The following VPS13B variants were observed in gnomAD, a reference collection of about 807,000 sequenced individuals.
The protein encoded by VPS13B is vacuolar protein sorting 13 homolog B.
VPS13B carries 285 observed loss-of-function variants against 426.4 expected under a neutral mutation model. The observed-to-expected ratio is 0.67, with a 90% CI of 0.61 to 0.74. The LOEUF (loss-of-function observed/expected upper bound fraction) is 0.74. VPS13B is among the 30% of genes least tolerant of loss of function. The probability of loss-of-function intolerance (pLI) is 0.00; values close to 1 mark genes in which losing one functional copy is unlikely to be tolerated. For missense variants in VPS13B, 4,537 were observed against 4,782.6 expected, an observed-to-expected ratio of 0.95 and a Z score of 1.51; for synonymous variants, 1,676 against 1,676.4, an observed-to-expected ratio of 1.00 and a Z score of 0.01.
At position 99,121,276 on chromosome 8, in the gene VPS13B, T is replaced by G; in HGVS notation, c.1037T>G (p.Val346Gly). ...GATGAGGAGCAGCCACAGGGATGGG[T>G]GTCATGGGCCTGGTCCTTTGTGCCT... ...QQDEEQPQGW[V>G]SWAWSFVPAI... The change falls in exon 8 of 62, where the codon GTG (valine) becomes GGG (glycine). Residue 346 changes from valine (V) to glycine (G), a missense_variant. By Grantham distance (109) the Val-to-Gly change is moderately radical. Transcript: ENST00000357162. The G allele has an allele frequency of 6.2e-7, 1 of 1,614,114 alleles. No individual in the cohort carries two copies.
At chr8:99,265,000 GCAT>G (rs894429882) in intron 17 of VPS13B, among the ~76,000 whole-genome samples, 5 of 151,908 alleles carry the variant, frequency 3.3e-5, no homozygotes, top group African/African-American at 2.4e-5. Flanking sequence ...AAGAGAACTA[GCAT>G]CATGTTTTTA....
chr8:99,648,944 A>C (rs1307467344), intron 34 of VPS13B, among the ~76,000 whole-genome samples: 1 of 146,446 alleles, frequency 6.8e-6, no homozygotes, highest in African/African-American at 2.5e-5. Flanking sequence ...TTCATCTGCG[A>C]GTACCTTTTT....
At chr8:99,780,573 A>G (rs371719901) in intron 42 of VPS13B, among the ~76,000 whole-genome samples, 1 of 152,130 alleles carries the variant, frequency 6.6e-6, no homozygotes, top group Non-Finnish European at 1.5e-5. Context: ...GGAATTGTAT[A>G]TTTGATTAAG....
intron 35 of VPS13B, among the ~76,000 whole-genome samples, chr8:99,679,679 G>A (rs1588616897): frequency 6.6e-6 from 1 of 152,036 alleles, no homozygotes; most frequent in East Asian, 1.9e-4. Flanking sequence ...ATTAATTAAA[G>A]CACACGTCTG....
intron 23 of VPS13B, among the ~76,000 whole-genome samples, chr8:99,445,164 C>G (rs1025496280): frequency 6.6e-6 from 1 of 150,788 alleles, no homozygotes; most frequent in Non-Finnish European, 1.5e-5. Context: ...TTTTCACTTC[C>G]TTGATGGCTT....
chr8:99,426,005 C>G (rs985231448), intron 21 of VPS13B, among the ~76,000 whole-genome samples: 4 of 151,152 alleles, frequency 2.6e-5, no homozygotes, highest in Non-Finnish European at 4.4e-5. Flanking sequence ...TGGTGCGCTG[C>G]ACCCACTAAC....
intron 17 of VPS13B, among the ~76,000 whole-genome samples, chr8:99,239,282 G>A (rs1314610767): frequency 1.3e-5 from 2 of 152,094 alleles, no homozygotes; most frequent in South Asian, 2.1e-4. Flanking sequence ...TAAATTTAGA[G>A]TAATCTTAAG....
At position 99,115,460 on chromosome 8, in the gene VPS13B, T is replaced by C. The variant is rs1847606306; in HGVS notation, c.763-240T>C. ...GTGATTATACCTTCTCACTATTAAT[T>C]CCATTTGTATGTACATCATTTGGTT... On this transcript the variant is annotated intron_variant, in intron 6 of 61. Transcript: ENST00000357162. Among the ~76,000 whole-genome samples, 3 of 152,138 alleles carry C rather than the reference T, an allele frequency of 2.0e-5. 1 individual carries two copies. The South Asian group carries it at 6.2e-4, about 32-fold the overall frequency.
Position 99,835,342 on chromosome 8 carries a change from G to A in VPS13B, c.9742+18G>A, listed in dbSNP as rs747567587. ...CATTAAAGGTATGTTTTATACTATC[G>A]AATTTAGATAATACTAAATGTGTAT... On this transcript the variant is annotated intron_variant, in intron 53 of 61. Transcript: ENST00000357162. 56 of 1,602,344 alleles carry A rather than the reference G, an allele frequency of 3.5e-5. No homozygotes were observed. In the Admixed American group the frequency reaches 4.2e-4, roughly 12 times the overall value.
At chr8:99,653,635 T>G (rs1330789007) in intron 34 of VPS13B, among the ~76,000 whole-genome samples, 2 of 152,190 alleles carry the variant, frequency 1.3e-5, no homozygotes, top group African/African-American at 4.8e-5. Flanking sequence ...TTAATTGAAT[T>G]GATATTTCAC....
At chr8:99,189,721 C>T (rs183323735) in intron 16 of VPS13B, among the ~76,000 whole-genome samples, 36 of 152,182 alleles carry the variant, frequency 2.4e-4, no homozygotes, top group African/African-American at 7.9e-4. Flanking sequence ...TTATCTACCA[C>T]GTTCCTAATT....
intron 17 of VPS13B, among the ~76,000 whole-genome samples, chr8:99,212,484 TATC>T (rs1406809400): frequency 6.6e-6 from 1 of 152,204 alleles, no homozygotes; most frequent in Non-Finnish European, 1.5e-5. Context: ...ATCATTGTGT[TATC>T]ATTACATTAC....
chr8:99,458,647 AT>A, intron 23 of VPS13B, among the ~76,000 whole-genome samples: 1 of 152,030 alleles, frequency 6.6e-6, no homozygotes. Context: ...TGTGGTTTTG[AT>A]TTGCACTTCT....
intron 17 of VPS13B, among the ~76,000 whole-genome samples, chr8:99,208,877 A>G (rs1052261399): frequency 2.6e-5 from 4 of 152,330 alleles, no homozygotes; most frequent in Middle Eastern, 3.4e-3. Flanking sequence ...ACAATATTTT[A>G]CAGGTTTAAA....
At chr8:99,111,343 A>G (rs1399144205) in intron 6 of VPS13B, 64 bp downstream of exon 6, 5 of 1,325,070 alleles carry the variant, frequency 3.8e-6, no homozygotes, top group Non-Finnish European at 5.3e-6. Flanking sequence ...ACTCTTGTGG[A>G]TGCTAATCAT....
At chr8:99,787,264 A>G (rs1302166333) in intron 43 of VPS13B, among the ~76,000 whole-genome samples, 2 of 152,012 alleles carry the variant, frequency 1.3e-5, no homozygotes, top group African/African-American at 4.8e-5. Context: ...AACAACAGTA[A>G]GTCCCAATAG....
At chr8:99,809,887 A>T (rs1191271647) in intron 44 of VPS13B, among the ~76,000 whole-genome samples, 1 of 152,206 alleles carries the variant, frequency 6.6e-6, no homozygotes, top group Non-Finnish European at 1.5e-5. Context: ...GGAACCCTGG[A>T]TAATCCACCA....
At chr8:99,700,012 AT>A in intron 36 of VPS13B, 80 bp downstream of exon 36, 1 of 1,521,014 alleles carries the variant, frequency 6.6e-7, no homozygotes, top group Non-Finnish European at 8.9e-7. Context: ...CATTTTGAAG[AT>A]TTATATTATG....
At chr8:99,133,325 T>C (rs1809902035) in intron 8 of VPS13B, among the ~76,000 whole-genome samples, 1 of 152,248 alleles carries the variant, frequency 6.6e-6, no homozygotes. Context: ...ACATAGAATT[T>C]AAGGGTTAGG....
Sources: gnomAD v4.1 joint callset for allele counts (sites outside exome capture counted in the v4.1 genomes callset) on GRCh38, gnomAD v4.1.1 for gene constraint, MANE v1.5 for transcripts, NCBI Gene and HGNC (gene_info 2026-07-23, HGNC 2026-07-21) for gene names.